ZFAND4: variants seen among roughly 807,000 people sequenced by gnomAD.
The protein encoded by ZFAND4 is AN1-type zinc finger protein 4.
Under a neutral mutation model 64.4 loss-of-function variants are expected in ZFAND4, and 43 were observed. That is an observed-to-expected ratio of 0.67 (90% CI 0.52 to 0.86). The LOEUF (loss-of-function observed/expected upper bound fraction) is 0.86. Ranked by LOEUF, ZFAND4 falls within the 40% of genes least tolerant of loss-of-function variation. The pLI, the probability that ZFAND4 is intolerant of heterozygous loss-of-function variation, is 0.00. For synonymous variants in ZFAND4, 296 were observed against 305.7 expected (o/e 0.97, Z 0.33); for missense variants, 929 against 859.8 (o/e 1.08, Z -1.01).
intron 6 of ZFAND4, among the ~76,000 whole-genome samples, chr10:45,637,339 C>CAAA (rs376511722): frequency 1.4e-4 from 10 of 71,250 alleles, no homozygotes; most frequent in East Asian, 4.6e-4. Context: ...GACTCCGTCT[C>CAAA]AAAAAAAAAA....
At chr10:45,663,251 G>C (rs1463664941) in intron 2 of ZFAND4, among the ~76,000 whole-genome samples, 1 of 152,056 alleles carries the variant, frequency 6.6e-6, no homozygotes, top group Non-Finnish European at 1.5e-5. Context: ...AATAGTTAAG[G>C]CATAATTTGC....
chr10:45,660,475 A>G (rs1037143516), intron 2 of ZFAND4, among the ~76,000 whole-genome samples: 7 of 152,332 alleles, frequency 4.6e-5, no homozygotes, highest in African/African-American at 1.7e-4. Context: ...AGAATATCAG[A>G]AGAAAAAATG....
Position 45,626,901 on chromosome 10 carries a change from A to G in ZFAND4, c.922T>C (p.Tyr308His). Reference protein sequence around the residue: ...SLATQLSAERYISSITGEFLK... With the variant: ...SLATQLSAERHISSITGEFLK... ...AATTCACCAGTGATAGAAGATATGT[A>G]TCTCTCAGCAGAGAGTTGAGTTGCC... Residue 308 changes from tyrosine (Y) to histidine (H), a missense_variant, in exon 7 of 10, where the codon TAC (tyrosine) becomes CAC (histidine). Transcript: ENST00000344646. 6.2e-7 allele frequency: 1 copy of G among 1,614,244 alleles called. No individual in the cohort carries two copies. The highest frequency in any genetic ancestry group is 8.5e-7 in the Non-Finnish European group (1 of 1,180,030).
At chr10:45,637,157 A>G (rs1352193186) in intron 6 of ZFAND4, among the ~76,000 whole-genome samples, 1 of 151,882 alleles carries the variant, frequency 6.6e-6, no homozygotes, top group African/African-American at 2.4e-5. Flanking sequence ...CCTGGCCAAC[A>G]TGGCAAAACC....
chr10:45,641,870 C>T (rs994238140), intron 5 of ZFAND4, among the ~76,000 whole-genome samples: 1 of 152,178 alleles, frequency 6.6e-6, no homozygotes, highest in Admixed American at 6.5e-5. Flanking sequence ...GATCAGAAAG[C>T]TATAGACAGC....
At position 45,643,392 on chromosome 10, in the gene ZFAND4, C is replaced by T. The variant is rs1022874279; in HGVS notation, c.570-3429G>A. On this transcript the variant is annotated intron_variant, in intron 5 of 9. Transcript: ENST00000344646. ...TCTTTCTGCTTAAAAAATCCCAGGC[C>T]GGGCACAGTGGCTCATGCCTGTAAT... is the stretch of plus-strand genomic sequence containing the variant. Among the ~76,000 whole-genome samples the T allele has an allele frequency of 1.6e-4, 25 of 151,540 alleles. No homozygotes were observed. In the East Asian group the frequency reaches 3.3e-3, roughly 20 times the overall value.
chr10:45,638,327 C>CA (rs1332591563), intron 6 of ZFAND4, among the ~76,000 whole-genome samples: 4,536 of 98,962 alleles, frequency 0.046, 197 homozygotes, highest in African/African-American at 0.13. Context: ...ACTAAAAATA[C>CA]AAAAAAAAAA....
At chr10:45,648,267 C>CA (rs1446563109) in intron 5 of ZFAND4, 27 bp downstream of exon 5, 29 of 1,553,100 alleles carry the variant, frequency 1.9e-5, no homozygotes, top group Non-Finnish European at 2.3e-5. Flanking sequence ...TTTGACAACA[C>CA]AAGGTAAACA....
At chr10:45,623,854 C>T (rs150504173) in intron 8 of ZFAND4, among the ~76,000 whole-genome samples, 18 of 152,244 alleles carry the variant, frequency 1.2e-4, no homozygotes, top group Admixed American at 3.9e-4. Context: ...TTGGGCCTTA[C>T]ATAGGAATGA....
At chr10:45,642,823 G>A (rs539987726) in intron 5 of ZFAND4, among the ~76,000 whole-genome samples, 76 of 147,344 alleles carry the variant, frequency 5.2e-4, no homozygotes, top group African/African-American at 1.8e-3. Context: ...AATTTAATCC[G>A]AAATGACTTT....
chr10:45,665,401 A>T (rs2048754364), intron 1 of ZFAND4, among the ~76,000 whole-genome samples: 1 of 151,666 alleles, frequency 6.6e-6, no homozygotes, highest in Non-Finnish European at 1.5e-5. Context: ...ATTAGCCAGG[A>T]ATGGTGGCGC....
rs147688777 is a variant in ZFAND4 at position 45,626,101 on chromosome 10, G to A, written c.1722C>T (p.Ala574=). 89 of 1,613,988 alleles carry A rather than the reference G, an allele frequency of 5.5e-5. No homozygotes were observed. The African/African-American group carries it at 6.8e-4, about 12-fold the overall frequency. The part of the protein sequence containing the change: ...VNNISFLASL[A]GSTSRNRLQS... ...GTAATCTATTTCTGCTTGTGCTCCC[G>A]GCCAGTGAGGCAAGAAAACTGATAT... is the stretch of plus-strand genomic sequence containing the variant. The change falls in exon 7 of 10, where the codon GCC becomes GCT. Residue 574 remains alanine (A), a synonymous_variant. Coordinates refer to ENST00000344646, the MANE Select transcript of ZFAND4 (RefSeq NM_174890.4).
chr10:45,661,932 C>T (rs947459466), intron 2 of ZFAND4, among the ~76,000 whole-genome samples: 3 of 148,028 alleles, frequency 2.0e-5, no homozygotes, highest in Admixed American at 6.7e-5. Context: ...TGCAAAACTC[C>T]GTCTCGAAGA....
intron 2 of ZFAND4, among the ~76,000 whole-genome samples, chr10:45,660,801 G>A (rs563524462): frequency 6.6e-6 from 1 of 152,232 alleles, no homozygotes; most frequent in South Asian, 2.1e-4. Context: ...TACCAACTTA[G>A]AATTCTATAC....
intron 8 of ZFAND4, among the ~76,000 whole-genome samples, chr10:45,623,284 T>C (rs996385759): frequency 6.6e-5 from 10 of 152,332 alleles, no homozygotes; most frequent in East Asian, 3.9e-4. Flanking sequence ...TTCTAAAGAA[T>C]TGAAAGTAGT....
At position 45,652,343 on chromosome 10, in the gene ZFAND4, C is replaced by T. The variant is rs147030736; in HGVS notation, c.261-310G>A. ...GGCCCAGAGAACAAAAGTGGCATGC[C>T]GGAGACCCAAAGTGCAGAAAATAGC... On this transcript the variant is annotated intron_variant, in intron 3 of 9. Coordinates refer to ENST00000344646, the MANE Select transcript of ZFAND4 (RefSeq NM_174890.4). Among the ~76,000 whole-genome samples, 150 of 152,154 alleles carry T rather than the reference C, an allele frequency of 9.9e-4. 1 individual carries two copies. The highest frequency in any genetic ancestry group is 6.5e-3 in the Admixed American group (99 of 15,276).
Position 45,616,288 on chromosome 10 carries a change from T to C in ZFAND4, c.*148A>G. The stretch of plus-strand genomic sequence containing the variant: ...CAAGAAATAAAGATGTAAAATACAG[T>C]AGCATTCTTGTTCTCCAACAGTATG... On this transcript the variant is annotated 3_prime_UTR_variant, in exon 10 of 10. Transcript: ENST00000344646. 9.5e-7 allele frequency: 1 copy of C among 1,047,564 alleles called. No individual in the cohort carries two copies. The highest frequency in any genetic ancestry group is 1.4e-6 in the Non-Finnish European group (1 of 739,736). 64.9% of individuals were successfully genotyped at this position (1,047,564 alleles called of 1,614,324 possible). A position where few individuals can be genotyped will look rare whatever the true frequency, so the allele number is the denominator to read the frequency against.
At chr10:45,633,333 C>T (rs1034234453) in intron 6 of ZFAND4, among the ~76,000 whole-genome samples, 2 of 151,714 alleles carry the variant, frequency 1.3e-5, no homozygotes. Context: ...GCTATTAGAT[C>T]CCAAAGAATA....
At chr10:45,663,502 A>G in intron 2 of ZFAND4, 40 bp downstream of exon 2, 1 of 1,492,842 alleles carries the variant, frequency 6.7e-7, no homozygotes, top group Non-Finnish European at 9.0e-7. Context: ...TGATGAACAA[A>G]TTTAATTTTC....
Sources: gnomAD v4.1 joint callset for allele counts (sites outside exome capture counted in the v4.1 genomes callset) on GRCh38, gnomAD v4.1.1 for gene constraint, MANE v1.5 for transcripts, NCBI Gene and HGNC (gene_info 2026-07-23, HGNC 2026-07-21) for gene names.